Variants in NEBL observed in about 807,000 individuals in gnomAD.
NEBL encodes nebulette.
In NEBL, 122 loss-of-function variants were observed where a neutral mutation model predicts 140.2. That is an observed-to-expected ratio of 0.87 (90% CI 0.75 to 1.01). The LOEUF is 1.01. Among genes scored for constraint, NEBL ranks in the 50% least tolerant of loss-of-function variants. The pLI is 0.00. For synonymous variants in NEBL, 436 were observed against 398.9 expected, an observed-to-expected ratio of 1.09 and a Z score of -1.11; for missense variants, 1,365 against 1,231.3, an observed-to-expected ratio of 1.11 and a Z score of -1.62.
At chr10:21,270,368 ATTT>A (rs59338756) in intron 1 of NEBL, among the ~76,000 whole-genome samples, 38,030 of 144,150 alleles carry the variant, frequency 0.26, 4,966 homozygotes, top group South Asian at 0.38. Context: ...TATTTTCCAT[ATTT>A]TTTTTTTTTT....
chr10:20,871,490 A>G (rs549487680), intron 5 of NEBL, among the ~76,000 whole-genome samples: 1 of 152,338 alleles, frequency 6.6e-6, no homozygotes, highest in South Asian at 2.1e-4. Flanking sequence ...GCATTAATAC[A>G]TCAACAGGCT....
At chr10:20,934,079 C>T (rs1834344798) in intron 4 of NEBL, among the ~76,000 whole-genome samples, 1 of 152,018 alleles carries the variant, frequency 6.6e-6, no homozygotes, top group African/African-American at 2.4e-5. Context: ...ACTTTTTGTG[C>T]CTGATTTATG....
At chr10:21,057,692 G>A (rs1835091061) in intron 2 of NEBL, among the ~76,000 whole-genome samples, 1 of 151,746 alleles carries the variant, frequency 6.6e-6, no homozygotes, top group Non-Finnish European at 1.5e-5. Flanking sequence ...TGGGACTACA[G>A]GAGCGCACCA....
chr10:20,993,289 T>C (rs556248238), intron 3 of NEBL, among the ~76,000 whole-genome samples: 1 of 152,346 alleles, frequency 6.6e-6, no homozygotes, highest in Admixed American at 6.5e-5. Flanking sequence ...AGGCAAAAGA[T>C]ACCACTAAGT....
intron 1 of NEBL, among the ~76,000 whole-genome samples, chr10:21,290,985 G>C (rs1252413034): frequency 6.6e-6 from 1 of 152,060 alleles, no homozygotes; most frequent in Non-Finnish European, 1.5e-5. Context: ...AGAGGGGAAG[G>C]GAAAATTCTC....
At chr10:21,151,304 G>A (rs1161178442) in intron 2 of NEBL, among the ~76,000 whole-genome samples, 1 of 152,200 alleles carries the variant, frequency 6.6e-6, no homozygotes, top group African/African-American at 2.4e-5. Context: ...CACCACTCAT[G>A]TGGTGAAACT....
intron 10 of NEBL, 99 bp downstream of exon 10, chr10:20,852,446 G>A: frequency 1.3e-6 from 1 of 791,842 alleles, no homozygotes; most frequent in South Asian, 1.4e-5. Flanking sequence ...TTCTGCAACT[G>A]TACTTTCTCA....
intron 3 of NEBL, among the ~76,000 whole-genome samples, chr10:21,006,886 G>A (rs16921408): frequency 0.027 from 4,070 of 152,260 alleles, 166 homozygotes; most frequent in African/African-American, 0.092. Flanking sequence ...AAGAAGGAGC[G>A]AGTTCTATAA....
At chr10:21,126,249 A>G (rs1838829823) in intron 2 of NEBL, 3 of 868,632 alleles carry the variant, frequency 3.5e-6, no homozygotes, top group Non-Finnish European at 5.3e-6. Flanking sequence ...ATCCATCTTC[A>G]AAATCAGGGA....
intron 2 of NEBL, among the ~76,000 whole-genome samples, chr10:21,121,479 G>A (rs1257982020): frequency 6.6e-6 from 1 of 152,170 alleles, no homozygotes; most frequent in Non-Finnish European, 1.5e-5. Context: ...TCATTTTTAA[G>A]TGCTTAACTT....
At chr10:20,960,871 C>CA (rs1355060368) in intron 4 of NEBL, among the ~76,000 whole-genome samples, 3 of 152,070 alleles carry the variant, frequency 2.0e-5, no homozygotes, top group Non-Finnish European at 2.9e-5. Context: ...AAGTGACGCA[C>CA]AAAATACAGT....
chr10:21,072,058 T>C (rs1564500904), intron 2 of NEBL, among the ~76,000 whole-genome samples: 1 of 152,106 alleles, frequency 6.6e-6, no homozygotes, highest in Non-Finnish European at 1.5e-5. Context: ...CTTCCAGTGA[T>C]CCACCCACCT....
intron 2 of NEBL, among the ~76,000 whole-genome samples, chr10:21,124,218 G>A (rs946977294): frequency 1.3e-5 from 2 of 152,130 alleles, no homozygotes; most frequent in African/African-American, 2.4e-5. Context: ...GTAGGAGGAG[G>A]TAAAGCTTTT....
intron 4 of NEBL, among the ~76,000 whole-genome samples, chr10:20,904,614 C>A (rs1302659193): frequency 6.6e-6 from 1 of 152,174 alleles, no homozygotes; most frequent in Admixed American, 6.5e-5. Context: ...GGTGGGGTCT[C>A]ATTTGACTAC....
intron 16 of NEBL, among the ~76,000 whole-genome samples, chr10:20,830,923 A>T (rs1315006584): frequency 1.3e-5 from 2 of 150,276 alleles, no homozygotes; most frequent in African/African-American, 4.9e-5. Flanking sequence ...AAAAAAAAAA[A>T]AAAAAAAAAA....
intron 2 of NEBL, among the ~76,000 whole-genome samples, chr10:21,075,250 G>A (rs1836011472): frequency 6.6e-6 from 1 of 152,198 alleles, no homozygotes. Flanking sequence ...GAACGGCCCA[G>A]CAAGCCAACA....
chr10:21,196,365 A>G (rs1380152589), intron 3 of NEBL, among the ~76,000 whole-genome samples: 1 of 142,562 alleles, frequency 7.0e-6, no homozygotes, highest in African/African-American at 2.6e-5. Flanking sequence ...TTATTTTGAG[A>G]CAGAGTCTTG....
At chr10:21,197,518 C>T (rs927210744) in intron 3 of NEBL, among the ~76,000 whole-genome samples, 3 of 152,256 alleles carry the variant, frequency 2.0e-5, no homozygotes, top group South Asian at 2.1e-4. Flanking sequence ...GAAACCATCC[C>T]TAGAAGCTGT....
chr10:21,156,348 C>T (rs1049070095), intron 2 of NEBL, among the ~76,000 whole-genome samples: 2 of 152,138 alleles, frequency 1.3e-5, no homozygotes, highest in South Asian at 2.1e-4. Flanking sequence ...ATTTAGGAGG[C>T]ATTGAAAGCT....
Sources: gnomAD v4.1 joint callset for allele counts (sites outside exome capture counted in the v4.1 genomes callset) on GRCh38, gnomAD v4.1.1 for gene constraint, MANE v1.5 for transcripts, NCBI Gene and HGNC (gene_info 2026-07-23, HGNC 2026-07-21) for gene names.